Variants in BOC observed in about 807,000 individuals in gnomAD.
BOC encodes the protein BOC cell adhesion associated, oncogene regulated.
Under a neutral mutation model 112.0 loss-of-function variants are expected in BOC, and 76 were observed. That is an observed-to-expected ratio of 0.68 (90% CI 0.56 to 0.82). BOC has a LOEUF of 0.82. Among genes scored for constraint, BOC ranks in the 40% least tolerant of loss-of-function variants. The pLI is 0.00. For synonymous variants in BOC, 580 were observed against 599.8 expected, an observed-to-expected ratio of 0.97 and a Z score of 0.48; for missense variants, 1,309 against 1,511.7, an observed-to-expected ratio of 0.87 and a Z score of 2.22.
Position 113,278,383 on chromosome 3 carries a change from C to A in BOC, c.1705+126C>A. On this transcript the variant is annotated intron_variant, in intron 10 of 19. Coordinates refer to ENST00000682979, the MANE Select transcript of BOC (RefSeq NM_001378074.1). This position sits in a 1 kb window ranked among gnomAD's most constrained non-coding sequence, Gnocchi z 4.2. Reference sequence around the variant, plus strand: ...CCTTGAACTTCATCTTTCCTTCCAGCTACTGCCTCCTTGTGGTTTGTGTGC... The same window carrying A: ...CCTTGAACTTCATCTTTCCTTCCAGATACTGCCTCCTTGTGGTTTGTGTGC... The A allele has an allele frequency of 8.9e-7, 1 of 1,119,230 alleles. No homozygotes were observed. Among genetic ancestry groups the A allele is most frequent in the Non-Finnish European group, 1.3e-6 (1 of 779,466 alleles). The allele number at this position is 1,119,230 out of a possible 1,614,324, so 69.3% of individuals were successfully genotyped here.
At chr3:113,258,637 G>A (rs1392725997) in intron 4 of BOC, among the ~76,000 whole-genome samples, 2 of 152,200 alleles carry the variant, frequency 1.3e-5, no homozygotes, top group Non-Finnish European at 2.9e-5. Flanking sequence ...GCAGTGAGAA[G>A]GGTTGTAGGG....
intron 18 of BOC, 106 bp from the exon 19 acceptor site, chr3:113,285,266 C>T: frequency 8.9e-7 from 1 of 1,120,318 alleles, no homozygotes; most frequent in Non-Finnish European, 1.3e-6. Context: ...CATCTGAGCT[C>T]TCACCAGCTC....
chr3:113,241,877 A>AT (rs1553728846), intron 2 of BOC, among the ~76,000 whole-genome samples: 1 of 151,968 alleles, frequency 6.6e-6, no homozygotes, highest in Non-Finnish European at 1.5e-5. Context: ...TAAAGCAAGG[A>AT]GGGGGGTGCC....
intron 1 of BOC, among the ~76,000 whole-genome samples, chr3:113,214,628 T>C (rs1938978242): frequency 6.6e-6 from 1 of 152,244 alleles, no homozygotes; most frequent in Admixed American, 6.5e-5. Context: ...TATTTGGAAG[T>C]TGCTTTCTTT....
intron 2 of BOC, among the ~76,000 whole-genome samples, chr3:113,233,873 C>T (rs531194543): frequency 1.1e-4 from 16 of 143,104 alleles, no homozygotes; most frequent in African/African-American, 2.5e-4. Context: ...TTAAGAACCA[C>T]GGCGGGCTCC....
At position 113,232,562 on chromosome 3, in the gene BOC, A is replaced by AGTGT. The variant is rs10696107; in HGVS notation, c.-82+16314_-82+16317dup. Among the ~76,000 whole-genome samples, 1,003 of 149,432 alleles carry AGTGT rather than the reference A, an allele frequency of 6.7e-3. 9 individuals carry two copies. The highest frequency in any genetic ancestry group is 0.018 in the African/African-American group (742 of 41,060). ...TAGAGCTGGAGCTGTTTGCTGTGCG[A>AGTGT]GTGTGTGTGTGTGTGTGTGTGTGTG... On this transcript the variant is annotated intron_variant, in intron 2 of 19. Coordinates refer to ENST00000682979, the MANE Select transcript of BOC (RefSeq NM_001378074.1).
chr3:113,260,912 C>A (rs9869371), intron 4 of BOC, among the ~76,000 whole-genome samples: 1,826 of 152,228 alleles, frequency 0.012, 38 homozygotes, highest in African/African-American at 0.041. Flanking sequence ...CCATCCCCCC[C>A]AGTCTCCCCA....
rs16860765 is a variant in BOC, at chr3:113,272,459, C to T, written c.717C>T (p.Thr239=). ...TCATCTACCCCCCAGAGGCCCAAAC[C>T]ATCATCGTCACCAAAGGCCAGAGTC... The part of the protein sequence containing the change: ...ARIIYPPEAQ[T]IIVTKGQSLI... Residue 239 remains threonine, a synonymous_variant, in exon 7 of 20, where the codon ACC becomes ACT. Coordinates refer to ENST00000682979, the MANE Select transcript of BOC (RefSeq NM_001378074.1). 6 of 1,614,004 alleles carry T rather than the reference C, an allele frequency of 3.7e-6. No individual in the cohort carries two copies. Among genetic ancestry groups the T allele is most frequent in the South Asian group, 1.1e-5 (1 of 91,070 alleles).
chr3:113,252,770 C>T (rs999970643), intron 4 of BOC, among the ~76,000 whole-genome samples: 1 of 152,186 alleles, frequency 6.6e-6, no homozygotes, highest in Non-Finnish European at 1.5e-5. Flanking sequence ...TGGAGCCACT[C>T]CTCTTTGTGG....
In BOC at chr3:113,268,273, A is replaced by G. The variant is rs369485109; in HGVS notation, c.377-26A>G. The G allele has an allele frequency of 2.5e-6, 4 of 1,613,456 alleles. No individual in the cohort carries two copies. In the East Asian group the frequency reaches 6.7e-5, roughly 27 times the overall value. ...CACACTTTTGCTCTGCTGTCCTCCA[A>G]CCAGCACCTTCCCTTCTCTTCACAG... On this transcript the variant is annotated intron_variant, in intron 4 of 19. Transcript: ENST00000682979.
At chr3:113,277,402 T>C (rs1948770584) in intron 9 of BOC, among the ~76,000 whole-genome samples, 1 of 152,234 alleles carries the variant, frequency 6.6e-6, no homozygotes, top group Non-Finnish European at 1.5e-5. Flanking sequence ...CCCAGGACTT[T>C]GGATCCCAGA....
intron 2 of BOC, among the ~76,000 whole-genome samples, chr3:113,230,886 A>G (rs2107701732): frequency 6.6e-6 from 1 of 152,338 alleles, no homozygotes; most frequent in Middle Eastern, 3.4e-3. Flanking sequence ...ATTTTATATA[A>G]CTTACTAAAC....
Position 113,274,244 on chromosome 3 carries a change from T to C in BOC, c.1235-131T>C, listed in dbSNP as rs970354374. 7 of 780,478 alleles carry C rather than the reference T, an allele frequency of 9.0e-6. No individual in the cohort carries two copies. Among genetic ancestry groups the C allele is most frequent in the African/African-American group, 3.5e-5 (2 of 56,702 alleles). The allele number at this position is 780,478 out of a possible 1,614,324, so 48.3% of individuals were successfully genotyped here. A position where few individuals can be genotyped will look rare whatever the true frequency, so the allele number is the denominator to read the frequency against. On this transcript the variant is annotated intron_variant, in intron 8 of 19. Transcript: ENST00000682979. The surrounding 1 kb of genome is among the most constrained non-coding windows in gnomAD (Gnocchi z 4.8). ...CGGAGCCTGGCTGGGCAGCACAGAG[T>C]GGGTGGCGGTACAGCTGATGGTGGG...
At chr3:113,249,966 C>G (rs1340008620) in intron 3 of BOC, 67 bp downstream of exon 3, 1 of 1,420,732 alleles carries the variant, frequency 7.0e-7, no homozygotes, top group Non-Finnish European at 9.7e-7. Flanking sequence ...TCTACAATAA[C>G]TCTTTAAAAA....
chr3:113,282,534 T>G (rs1195359092), intron 15 of BOC, among the ~76,000 whole-genome samples: 1 of 152,162 alleles, frequency 6.6e-6, no homozygotes, highest in Non-Finnish European at 1.5e-5. Flanking sequence ...CTTGGAGGCT[T>G]ACTGAGTCTT....
chr3:113,253,080 C>G (rs1405309953), intron 4 of BOC, among the ~76,000 whole-genome samples: 3 of 152,226 alleles, frequency 2.0e-5, no homozygotes, highest in African/African-American at 4.8e-5. Flanking sequence ...AAAATAATCT[C>G]TCATAAGCCT....
At chr3:113,261,356 T>C (rs1398857568) in intron 4 of BOC, among the ~76,000 whole-genome samples, 5 of 152,232 alleles carry the variant, frequency 3.3e-5, no homozygotes. Context: ...ATGTGTGATG[T>C]GGGTTGCTGG....
chr3:113,231,866 C>G (rs1344403525), intron 2 of BOC, among the ~76,000 whole-genome samples: 1 of 152,136 alleles, frequency 6.6e-6, no homozygotes, highest in Non-Finnish European at 1.5e-5. Context: ...TTACTGCACT[C>G]CTACTATGTG....
At chr3:113,254,723 G>C (rs1946045878) in intron 4 of BOC, among the ~76,000 whole-genome samples, 1 of 152,230 alleles carries the variant, frequency 6.6e-6, no homozygotes, top group African/African-American at 2.4e-5. Flanking sequence ...CTCGCACAAA[G>C]CAGTTGCTGT....
Sources: allele counts gnomAD v4.1 joint callset (sites outside exome capture counted in the v4.1 genomes callset), GRCh38; gene constraint gnomAD v4.1.1; non-coding constraint Gnocchi (gnomAD v3.1); transcripts MANE v1.5; gene names NCBI Gene and HGNC (gene_info 2026-07-23, HGNC 2026-07-21).